CLSTN2: variants seen among roughly 807,000 people sequenced by gnomAD.
CLSTN2 encodes calsyntenin-2.
In CLSTN2, 48 loss-of-function variants were observed where a neutral mutation model predicts 101.2. The ratio of observed to expected loss-of-function variants is 0.47; its 90% confidence interval spans 0.38 to 0.60. The LOEUF (loss-of-function observed/expected upper bound fraction) is 0.60, where lower values mean the gene tolerates loss of function less well. Ranked by LOEUF, CLSTN2 falls within the 20% of genes least tolerant of loss-of-function variation. The pLI is 0.00. For synonymous variants in CLSTN2, 481 were observed against 463.6 expected (o/e 1.04, Z -0.48); for missense variants, 1,160 against 1,238.2 (o/e 0.94, Z 0.95).
At position 140,126,688 on chromosome 3, in the gene CLSTN2, T is replaced by C. The variant is rs140177749; in HGVS notation, c.110-49263T>C. On this transcript the variant is annotated intron_variant, in intron 1 of 16. Transcript: ENST00000458420. ...GCTTCTCCCATTTTTGCCAATATTT[T>C]CCTAATGACCTGTATCTTAAAGACT... Among the ~76,000 whole-genome samples, 369 of 152,302 alleles carry C rather than the reference T, an allele frequency of 2.4e-3. 2 individuals carry two copies. Among genetic ancestry groups the C allele is most frequent in the African/African-American group, 8.5e-3 (352 of 41,584 alleles).
At chr3:140,329,207 C>A (rs1046087137) in intron 2 of CLSTN2, among the ~76,000 whole-genome samples, 55 of 152,100 alleles carry the variant, frequency 3.6e-4, no homozygotes, top group African/African-American at 1.3e-3. Context: ...GCCAACATGG[C>A]AAAACCCCAT....
intron 5 of CLSTN2, among the ~76,000 whole-genome samples, chr3:140,428,370 T>C (rs565877990): frequency 3.3e-5 from 5 of 152,348 alleles, no homozygotes; most frequent in South Asian, 2.1e-4. Flanking sequence ...TTATTTGTTC[T>C]GCTAGAATGA....
chr3:139,987,076 A>G (rs1037592769), intron 1 of CLSTN2, among the ~76,000 whole-genome samples: 2 of 152,204 alleles, frequency 1.3e-5, no homozygotes, highest in Non-Finnish European at 2.9e-5. Flanking sequence ...AATACAAGTC[A>G]CCCACAATGA....
chr3:140,046,599 T>C (rs991656069), intron 1 of CLSTN2, among the ~76,000 whole-genome samples: 2 of 152,186 alleles, frequency 1.3e-5, no homozygotes, highest in African/African-American at 4.8e-5. Context: ...ATGCAGTTCC[T>C]TCCTAGCATC....
At chr3:140,483,898 G>C (rs952792480) in intron 8 of CLSTN2, among the ~76,000 whole-genome samples, 4 of 152,028 alleles carry the variant, frequency 2.6e-5, no homozygotes, top group Non-Finnish European at 5.9e-5. Context: ...CACACTGATG[G>C]GTCTTGACTC....
At chr3:140,204,838 T>C (rs1164791619) in intron 2 of CLSTN2, among the ~76,000 whole-genome samples, 2 of 152,196 alleles carry the variant, frequency 1.3e-5, no homozygotes, top group African/African-American at 4.8e-5. Context: ...GTGGAGGTTG[T>C]AATTGTCAGG....
At chr3:140,513,369 GT>G (rs1934852433) in intron 8 of CLSTN2, among the ~76,000 whole-genome samples, 1 of 152,128 alleles carries the variant, frequency 6.6e-6, no homozygotes, top group Non-Finnish European at 1.5e-5. Flanking sequence ...AGATAATCAT[GT>G]GGTTTTTGTC....
At chr3:140,245,557 C>A (rs2086508765) in intron 2 of CLSTN2, among the ~76,000 whole-genome samples, 1 of 152,148 alleles carries the variant, frequency 6.6e-6, no homozygotes, top group Admixed American at 6.5e-5. Flanking sequence ...GGAAGGATAA[C>A]TGAATTCACT....
chr3:140,521,807 T>A (rs1576610195), intron 8 of CLSTN2, among the ~76,000 whole-genome samples: 1 of 152,178 alleles, frequency 6.6e-6, no homozygotes, highest in Admixed American at 6.5e-5. Flanking sequence ...GCCTGTCACT[T>A]GTGGCTCACT....
chr3:140,214,564 A>C (rs1165106123), intron 2 of CLSTN2, among the ~76,000 whole-genome samples: 1 of 152,220 alleles, frequency 6.6e-6, no homozygotes, highest in Admixed American at 6.5e-5. Context: ...CAGAGTGTGC[A>C]TCATCTCCAA....
intron 4 of CLSTN2, among the ~76,000 whole-genome samples, chr3:140,410,411 C>A (rs374437899): frequency 1.6e-3 from 195 of 118,402 alleles, no homozygotes; most frequent in South Asian, 2.0e-3. Flanking sequence ...AAATAAAAAG[C>A]AAAAAAAAAA....
intron 2 of CLSTN2, among the ~76,000 whole-genome samples, chr3:140,322,963 G>A (rs2107924730): frequency 6.6e-6 from 1 of 152,308 alleles, no homozygotes; most frequent in East Asian, 1.9e-4. Flanking sequence ...TTTCTCTAAT[G>A]ATCTGATCCA....
Position 140,571,903 on chromosome 3 carries a change from C to G in CLSTN2, c.*5650C>G, listed in dbSNP as rs959253759. 2.6e-5 allele frequency: 4 copies of G among 152,320 alleles called. No individual in the cohort carries two copies. Among genetic ancestry groups the G allele is most frequent in the African/African-American group, 7.2e-5 (3 of 41,450 alleles). 9.4% of individuals were successfully genotyped at this position (152,320 alleles called of 1,614,324 possible). ...GCACCCCAGAAAGCTGACAGATATTCCCTGTATGCAGGTAGTAAACAGATG... is the reference window on the plus strand; with the variant it reads ...GCACCCCAGAAAGCTGACAGATATTGCCTGTATGCAGGTAGTAAACAGATG... On this transcript the variant is annotated 3_prime_UTR_variant, in exon 17 of 17. Transcript: ENST00000458420.
chr3:140,116,991 C>G (rs2009254190), intron 1 of CLSTN2, among the ~76,000 whole-genome samples: 1 of 152,158 alleles, frequency 6.6e-6, no homozygotes, highest in South Asian at 2.1e-4. Flanking sequence ...GAAATTGCTC[C>G]CATATTCTGG....
intron 1 of CLSTN2, among the ~76,000 whole-genome samples, chr3:140,096,321 TC>T (rs896977051): frequency 1.3e-5 from 2 of 152,198 alleles, no homozygotes; most frequent in African/African-American, 4.8e-5. Context: ...GCTTAGAAGT[TC>T]CCAGCTTTTG....
Position 140,566,310 on chromosome 3 carries a change from T to G in CLSTN2, c.*57T>G. On this transcript the variant is annotated 3_prime_UTR_variant, in exon 17 of 17. Coordinates refer to ENST00000458420, the MANE Select transcript of CLSTN2 (RefSeq NM_022131.3). ...CCCTTTTGTAAACCCTGACCCAGTG[T>G]ATGCCCATGTCTATCATACCTCACC... 1 of 1,488,884 alleles carries G rather than the reference T, an allele frequency of 6.7e-7. No homozygotes were observed. The highest frequency in any genetic ancestry group is 9.2e-7 in the Non-Finnish European group (1 of 1,091,890). 92.2% of individuals were successfully genotyped at this position (1,488,884 alleles called of 1,614,324 possible).
chr3:140,388,948 G>A (rs1164227553), intron 2 of CLSTN2, among the ~76,000 whole-genome samples: 2 of 151,716 alleles, frequency 1.3e-5, no homozygotes, highest in Admixed American at 6.6e-5. Flanking sequence ...ACTGTTTTTT[G>A]CATCTGTTGA....
chr3:140,096,870 A>G (rs939114917), intron 1 of CLSTN2, among the ~76,000 whole-genome samples: 1 of 152,224 alleles, frequency 6.6e-6, no homozygotes, highest in African/African-American at 2.4e-5. Context: ...CCGTGTGAAG[A>G]GACATGAAAG....
chr3:140,409,271 T>C (rs2088337324), intron 4 of CLSTN2, among the ~76,000 whole-genome samples: 1 of 152,220 alleles, frequency 6.6e-6, no homozygotes, highest in Non-Finnish European at 1.5e-5. Flanking sequence ...AACACACCAA[T>C]GGCCCTGACT....
Sources: allele counts gnomAD v4.1 joint callset (sites outside exome capture counted in the v4.1 genomes callset), GRCh38; gene constraint gnomAD v4.1.1; transcripts MANE v1.5; gene names NCBI Gene and HGNC (gene_info 2026-07-23, HGNC 2026-07-21).